PARVB: variants seen among roughly 807,000 people sequenced by gnomAD.
The protein encoded by PARVB is parvin beta.
A neutral mutation model predicts 47.0 loss-of-function variants in PARVB; 46 were observed. That is an observed-to-expected ratio of 0.98 (90% CI 0.77 to 1.25). The LOEUF (loss-of-function observed/expected upper bound fraction) is 1.25, where lower values mean the gene tolerates loss of function less well. Among genes scored for constraint, PARVB ranks in the 50% most tolerant of loss-of-function variants. The probability of loss-of-function intolerance (pLI) is 0.00; values close to 1 mark genes in which losing one functional copy is unlikely to be tolerated. For missense variants in PARVB, 473 were observed against 471.6 expected, an observed-to-expected ratio of 1.00 and a Z score of -0.03; for synonymous variants, 196 against 196.3, an observed-to-expected ratio of 1.00 and a Z score of 0.01.
Position 44,050,061 on chromosome 22 carries a change from C to T in PARVB, c.112+25610C>T, listed in dbSNP as rs141785770. On this transcript the variant is annotated intron_variant, in intron 1 of 12. Coordinates refer to ENST00000338758, the MANE Select transcript of PARVB (RefSeq NM_013327.5). ...ACAGCCTAGGGAGGGTTGCCCCAGCCGTATTTAGTTCTTCCTGCCTCAGAT... is the reference window on the plus strand; with the variant it reads ...ACAGCCTAGGGAGGGTTGCCCCAGCTGTATTTAGTTCTTCCTGCCTCAGAT... 1.6e-4 allele frequency among the ~76,000 whole-genome samples: 25 copies of T among 152,300 alleles called. No homozygotes were observed. The East Asian group carries it at 2.9e-3, about 18-fold the overall frequency.
chr22:44,015,041 G>A (rs980199851), intron 2 of PARVB, among the ~76,000 whole-genome samples: 1 of 152,046 alleles, frequency 6.6e-6, no homozygotes, highest in Non-Finnish European at 1.5e-5. Context: ...AGTAGAGATG[G>A]GGTTTCACCA....
intron 11 of PARVB, among the ~76,000 whole-genome samples, chr22:44,159,289 C>A (rs889810445): frequency 6.6e-6 from 1 of 152,166 alleles, no homozygotes; most frequent in Non-Finnish European, 1.5e-5. Context: ...AGAATGCTGG[C>A]GAGAACAGTG....
intron 1 of PARVB, among the ~76,000 whole-genome samples, chr22:44,061,054 G>A (rs1044354191): frequency 2.0e-5 from 3 of 152,162 alleles, no homozygotes; most frequent in Non-Finnish European, 4.4e-5. Flanking sequence ...TGACCTGTGC[G>A]TTCTCTGCAA....
intron 1 of PARVB, among the ~76,000 whole-genome samples, chr22:44,066,541 GTT>G (rs1185994162): frequency 6.6e-6 from 1 of 152,156 alleles, no homozygotes; most frequent in Non-Finnish European, 1.5e-5. Context: ...GGGCTGCAGT[GTT>G]TCTCACCTTG....
intron 1 of PARVB, among the ~76,000 whole-genome samples, chr22:44,040,416 ATTAAG>A (rs2050997296): frequency 6.6e-6 from 1 of 152,178 alleles, no homozygotes; most frequent in African/African-American, 2.4e-5. Flanking sequence ...TGCAGGTGTG[ATTAAG>A]TTAAGAACCT....
intron 10 of PARVB, chr22:44,151,873 G>T: frequency 3.5e-6 from 1 of 283,928 alleles, no homozygotes; most frequent in South Asian, 5.1e-5. Flanking sequence ...AGCTGTTCCT[G>T]GCCTCCCTCC....
Position 44,140,133 on chromosome 22 carries a change from G to C in PARVB, c.702G>C (p.Met234Ile), listed in dbSNP as rs1258463175. The change falls in exon 8 of 13, where the codon ATG becomes ATC. Residue 234 changes from methionine (M) to isoleucine (I), a missense_variant. Coordinates refer to ENST00000338758, the MANE Select transcript of PARVB (RefSeq NM_013327.5). ...GTGTTCTTGTTTGCAGGATGATGAT[G>C]GGCCGGTTCGGTAAGTAACCCCAGG... ...EELTTTTEMM[M>I]GRFERDAFDT... The C allele has an allele frequency of 2.5e-6, 4 of 1,592,882 alleles. No individual in the cohort carries two copies. Among genetic ancestry groups the C allele is most frequent in the Non-Finnish European group, 3.4e-6 (4 of 1,171,078 alleles).
intron 1 of PARVB, among the ~76,000 whole-genome samples, chr22:44,026,033 TGAGTG>T (rs1423458566): frequency 1.3e-5 from 2 of 152,144 alleles, no homozygotes; most frequent in Non-Finnish European, 2.9e-5. Context: ...AGGGGACACT[TGAGTG>T]GAGGCCAGAA....
intron 11 of PARVB, among the ~76,000 whole-genome samples, chr22:44,159,891 C>T (rs772424764): frequency 2.6e-4 from 40 of 152,148 alleles, no homozygotes; most frequent in African/African-American, 6.0e-4. Context: ...TTGCTCTGGC[C>T]CTGGGAATCC....
intron 1 of PARVB, among the ~76,000 whole-genome samples, chr22:44,043,471 C>G (rs1258403247): frequency 1.3e-5 from 2 of 152,052 alleles, no homozygotes; most frequent in Non-Finnish European, 2.9e-5. Context: ...CTCCGCCTCC[C>G]GGGATCACGC....
chr22:44,066,758 T>C (rs949313799), intron 1 of PARVB, among the ~76,000 whole-genome samples: 3 of 151,800 alleles, frequency 2.0e-5, no homozygotes, highest in Non-Finnish European at 2.9e-5. Context: ...AATGAAATGA[T>C]GACATCAGTC....
chr22:44,072,180 C>T (rs928990275), intron 1 of PARVB, among the ~76,000 whole-genome samples: 2 of 152,200 alleles, frequency 1.3e-5, no homozygotes, highest in African/African-American at 4.8e-5. Context: ...GCCATTGTTT[C>T]CAGATCTGTA....
rs762526652 is a variant in PARVB at position 44,147,879 on chromosome 22, C to G, written c.731C>G (p.Thr244Arg). The change falls in exon 9 of 13, where the codon ACG becomes AGG. Residue 244 changes from threonine (T) to arginine (R), a missense_variant. By Grantham distance (71) the Thr-to-Arg change is moderately conservative (BLOSUM62 -1). Transcript: ENST00000338758. ...MGRFERDAFDTLFDHAPDKLS... is the reference protein window; with the variant it reads ...MGRFERDAFDRLFDHAPDKLS... ...TCCTCAGAGCGGGATGCCTTCGACA[C>G]GCTGTTCGACCACGCCCCGGATAAG... 2.5e-6 allele frequency: 4 copies of G among 1,613,950 alleles called. No individual in the cohort carries two copies. The highest frequency in any genetic ancestry group is 1.3e-5 in the African/African-American group (1 of 74,916).
chr22:44,084,712 C>T (rs2147014843), intron 1 of PARVB, among the ~76,000 whole-genome samples: 1 of 152,330 alleles, frequency 6.6e-6, no homozygotes, highest in Admixed American at 6.5e-5. Flanking sequence ...CCAGCTTCCT[C>T]CCTCCTTCAG....
intron 1 of PARVB, chr22:44,069,103 T>C: frequency 1.2e-6 from 2 of 1,611,464 alleles, no homozygotes; most frequent in East Asian, 4.5e-5. Flanking sequence ...CCGCCTGCCC[T>C]CCGACGTCCG....
chr22:44,014,777 C>T, intron 2 of PARVB, among the ~76,000 whole-genome samples: 1 of 152,098 alleles, frequency 6.6e-6, no homozygotes, highest in Admixed American at 6.5e-5. Flanking sequence ...ACAACTTAGT[C>T]CACAGCCATC....
chr22:44,005,945 T>TGCCCAATTCTTTGTTCAAAAC (rs2050460077), intron 2 of PARVB, among the ~76,000 whole-genome samples: 1 of 152,180 alleles, frequency 6.6e-6, no homozygotes, highest in Non-Finnish European at 1.5e-5. Flanking sequence ...TTGTGCGTTT[T>TGCCCAATTCTTTGTTCAAAAC]GCCCAATTCT....
chr22:44,018,479 G>A (rs1399350089), intron 2 of PARVB, among the ~76,000 whole-genome samples: 1 of 152,146 alleles, frequency 6.6e-6, no homozygotes, highest in Non-Finnish European at 1.5e-5. Flanking sequence ...TCCAAGGCAG[G>A]CCACATGAGT....
intron 1 of PARVB, among the ~76,000 whole-genome samples, chr22:44,043,219 G>A (rs1292831349): frequency 1.3e-5 from 2 of 152,160 alleles, no homozygotes; most frequent in African/African-American, 4.8e-5. Context: ...GAGACAGAAA[G>A]TAAGATTAGT....
Sources: allele counts gnomAD v4.1 joint callset (sites outside exome capture counted in the v4.1 genomes callset), GRCh38; gene constraint gnomAD v4.1.1; transcripts MANE v1.5; gene names NCBI Gene and HGNC (gene_info 2026-07-23, HGNC 2026-07-21).